Variants in UGT1A4 observed in about 807,000 individuals in gnomAD.
UGT1A4 encodes UDP glucuronosyltransferase family 1 member A4, also known as UDP-glucuronosyltransferase 1A4.
Under a neutral mutation model 41.1 loss-of-function variants are expected in UGT1A4, and 32 were observed. That is an observed-to-expected ratio of 0.78 (90% CI 0.59 to 1.05). The LOEUF (loss-of-function observed/expected upper bound fraction) is 1.05, where lower values mean the gene tolerates loss of function less well. Ranked by LOEUF, UGT1A4 falls within the 50% of genes least tolerant of loss-of-function variation. The pLI is 0.00. For missense variants in UGT1A4, 748 were observed against 677.4 expected (o/e 1.10, Z -1.16); for synonymous variants, 283 against 265.1 (o/e 1.07, Z -0.66).
intron 1 of UGT1A4, among the ~76,000 whole-genome samples, chr2:233,720,787 C>T (rs369291144): frequency 6.6e-5 from 10 of 151,230 alleles, no homozygotes; most frequent in South Asian, 4.2e-4. Flanking sequence ...CTCACTGCAA[C>T]CTTCACCTCC....
chr2:233,734,666 C>T (rs1294652179), intron 1 of UGT1A4, among the ~76,000 whole-genome samples: 1 of 152,056 alleles, frequency 6.6e-6, no homozygotes, highest in Non-Finnish European at 1.5e-5. Context: ...TATAAATTTC[C>T]CTCTACACAC....
chr2:233,753,118 A>G (rs1695134024), intron 1 of UGT1A4: 1 of 152,220 alleles, frequency 6.6e-6, no homozygotes, highest in Non-Finnish European at 1.5e-5. Context: ...CATCCCCAGC[A>G]AACTACTCAG....
In UGT1A4 at chr2:233,719,572, A is replaced by C; in HGVS notation, c.752A>C (p.Tyr251Ser). ...GTGTCAGTGGTGGATCTTGTCAGCT[A>C]TGCATCCGTGTGGCTGTTCCGAGGG... ...REVSVVDLVSYASVWLFRGDF... is the reference protein window; with the variant it reads ...REVSVVDLVSSASVWLFRGDF... Residue 251 changes from tyrosine to serine, a missense_variant, in exon 1 of 5, where the codon TAT (tyrosine) becomes TCT (serine). Coordinates refer to ENST00000373409, the MANE Select transcript of UGT1A4 (RefSeq NM_007120.3). The C allele has an allele frequency of 6.2e-7, 1 of 1,613,858 alleles. No individual in the cohort carries two copies. Among genetic ancestry groups the C allele is most frequent in the South Asian group, 1.1e-5 (1 of 91,060 alleles).
chr2:233,725,276 A>AGAGGAGGCAGAGGCAGAG (rs1178808521), intron 1 of UGT1A4, among the ~76,000 whole-genome samples: 1 of 47,620 alleles, frequency 2.1e-5, no homozygotes, highest in Non-Finnish European at 4.2e-5. Flanking sequence ...AGGCAGAGGC[A>AGAGGAGGCAGAGGCAGAG]GAGGCAGAGG....
intron 1 of UGT1A4, chr2:233,729,523 C>T (rs753472390): frequency 6.2e-7 from 1 of 1,614,202 alleles, no homozygotes; most frequent in Non-Finnish European, 8.5e-7. Context: ...GGAGCTACTA[C>T]ATAATGAGGC....
At chr2:233,760,808 C>T in intron 1 of UGT1A4, 3 of 1,613,442 alleles carry the variant, frequency 1.9e-6, no homozygotes, top group Non-Finnish European at 2.5e-6. Flanking sequence ...TTCTTGCATG[C>T]ACTGCCATGC....
chr2:233,762,993 G>T (rs1698210222), intron 1 of UGT1A4, among the ~76,000 whole-genome samples: 1 of 152,172 alleles, frequency 6.6e-6, no homozygotes, highest in Non-Finnish European at 1.5e-5. Flanking sequence ...AGTGGAAATT[G>T]ATTATCATTT....
intron 1 of UGT1A4, chr2:233,743,219 T>A (rs1133491): frequency 5.8e-5 from 24 of 411,238 alleles, no homozygotes; most frequent in Middle Eastern, 7.1e-4. Flanking sequence ...TAACTGCTCT[T>A]TGCTATTTAT....
At chr2:233,724,344 C>CCT (rs2077230748) in intron 1 of UGT1A4, among the ~76,000 whole-genome samples, 1 of 144,934 alleles carries the variant, frequency 6.9e-6, no homozygotes, top group African/African-American at 2.5e-5. Context: ...GGGCTGACCC[C>CCT]CCCCACCTCC....
Position 233,719,131 on chromosome 2 carries a change from A to T in UGT1A4, c.311A>T (p.Glu104Val). 4 of 1,614,200 alleles carry T rather than the reference A, an allele frequency of 2.5e-6. No homozygotes were observed. Among genetic ancestry groups the T allele is most frequent in the Non-Finnish European group, 3.4e-6 (4 of 1,180,002 alleles). Residue 104 changes from glutamate (E) to valine (V), a missense_variant, in exon 1 of 5, where the codon GAA (glutamate) becomes GTA (valine). Glu to Val is a moderately radical substitution (Grantham distance 121). Coordinates refer to ENST00000373409, the MANE Select transcript of UGT1A4 (RefSeq NM_007120.3). Reference sequence around the variant, plus strand: ...TACACTCAAGGGTTCTTTGAAACAGAACATCTTCTGAAGAGATATTCTAGA... The same window carrying T: ...TACACTCAAGGGTTCTTTGAAACAGTACATCTTCTGAAGAGATATTCTAGA... ...LGYTQGFFET[E>V]HLLKRYSRSM...
chr2:233,740,352 A>G (rs2125828871), intron 1 of UGT1A4, among the ~76,000 whole-genome samples: 1 of 152,070 alleles, frequency 6.6e-6, no homozygotes, highest in South Asian at 2.1e-4. Flanking sequence ...AGAAAGTGGA[A>G]TTAGAAATTC....
In UGT1A4 at chr2:233,772,258, T is replaced by A; in HGVS notation, c.1308-4T>A. On this transcript the variant is annotated splice_polypyrimidine_tract_variant and splice_region_variant and intron_variant, in intron 4 of 4. Coordinates refer to ENST00000373409, the MANE Select transcript of UGT1A4 (RefSeq NM_007120.3). The stretch of plus-strand genomic sequence containing the variant: ...AGGCATAACGAAACTGTCTTTGTGT[T>A]TAGTTACAAGGAGAACATCATGCGC... The A allele has an allele frequency of 6.2e-7, 1 of 1,614,236 alleles. No individual in the cohort carries two copies. The highest frequency in any genetic ancestry group is 8.5e-7 in the Non-Finnish European group (1 of 1,180,048).
At chr2:233,748,125 T>A in intron 1 of UGT1A4, 1 of 1,610,546 alleles carries the variant, frequency 6.2e-7, no homozygotes, top group Middle Eastern at 2.0e-4. Context: ...GGCAAAACAG[T>A]TTTTAAAAAT....
At position 233,769,453 on chromosome 2, in the gene UGT1A4, GCATT is replaced by G; in HGVS notation, c.1307+1018_1307+1021del. The G allele has an allele frequency of 6.3e-7, 1 of 1,591,058 alleles. No homozygotes were observed. Among genetic ancestry groups the G allele is most frequent in the Non-Finnish European group, 8.6e-7 (1 of 1,161,716 alleles). Reference sequence around the variant, plus strand: ...TGCTCATGTGTGGGTGCACACGTGTGCATTCATATGCGTGTGTGTGTGTGTGCGT... The same window carrying G: ...TGCTCATGTGTGGGTGCACACGTGTGCATATGCGTGTGTGTGTGTGTGCGT... On this transcript the variant is annotated intron_variant, in intron 4 of 4. Coordinates refer to ENST00000373409, the MANE Select transcript of UGT1A4 (RefSeq NM_007120.3). This position sits in a 1 kb window ranked among gnomAD's most constrained non-coding sequence, Gnocchi z 4.4.
intron 1 of UGT1A4, chr2:233,730,102 T>C (rs972272241): frequency 1.9e-6 from 3 of 1,578,724 alleles, no homozygotes; most frequent in East Asian, 2.3e-5. Context: ...AAATATTTCA[T>C]TTCTGCTTCT....
At chr2:233,755,280 C>T in intron 1 of UGT1A4, 2 of 709,722 alleles carry the variant, frequency 2.8e-6, no homozygotes, top group Non-Finnish European at 2.2e-6. Context: ...GCTGGACTGC[C>T]AAAGAGCCTG....
rs760077462 is a variant in UGT1A4, at chr2:233,725,078, TC to T, written c.867+5392del. Among the ~76,000 whole-genome samples, 17 of 144,282 alleles carry T rather than the reference TC, an allele frequency of 1.2e-4. 2 individuals carry two copies. Among genetic ancestry groups the T allele is most frequent in the Non-Finnish European group, 2.4e-4 (16 of 65,662 alleles). The allele number at this position is 144,282 out of a possible 152,430, so 94.7% of individuals were successfully genotyped here. On this transcript the variant is annotated intron_variant, in intron 1 of 4. Coordinates refer to ENST00000373409, the MANE Select transcript of UGT1A4 (RefSeq NM_007120.3). ...GGCGCGCGCCTGCAATCGCAGGCAC[TC>T]GGCAGGCTGAGGCAGGAGAATCAGG...
At chr2:233,724,183 G>A (rs1455555189) in intron 1 of UGT1A4, among the ~76,000 whole-genome samples, 1,241 of 117,586 alleles carry the variant, frequency 0.011, 5 homozygotes, top group Non-Finnish European at 0.017. Flanking sequence ...TCTCCCTCCC[G>A]GACGGGGTGG....
chr2:233,768,215 C>T lies in UGT1A4; in HGVS notation c.1088-5C>T. The T allele has an allele frequency of 1.2e-6, 2 of 1,614,186 alleles. No individual in the cohort carries two copies. Among genetic ancestry groups the T allele is most frequent in the Admixed American group, 3.3e-5 (2 of 60,020 alleles). On this transcript the variant is annotated splice_polypyrimidine_tract_variant and splice_region_variant and intron_variant, in intron 3 of 4. Coordinates refer to ENST00000373409, the MANE Select transcript of UGT1A4 (RefSeq NM_007120.3). Reference sequence around the variant, plus strand: ...TGCTGACATCCTCCCTATTTTGCATCTCAGGTCACCCGATGACCCGTGCCT... The same window carrying T: ...TGCTGACATCCTCCCTATTTTGCATTTCAGGTCACCCGATGACCCGTGCCT...
Sources: gnomAD v4.1 joint callset for allele counts (sites outside exome capture counted in the v4.1 genomes callset) on GRCh38, gnomAD v4.1.1 for gene constraint, Gnocchi (gnomAD v3.1) non-coding constraint, MANE v1.5 for transcripts, NCBI Gene and HGNC (gene_info 2026-07-23, HGNC 2026-07-21) for gene names.